GALNTL6: variants seen among roughly 807,000 people sequenced by gnomAD.
The protein encoded by GALNTL6 is polypeptide N-acetylgalactosaminyltransferase like 6, also known as polypeptide N-acetylgalactosaminyltransferase-like 6.
In GALNTL6, 46 loss-of-function variants were observed where a neutral mutation model predicts 73.7. The observed-to-expected ratio is 0.62, with a 90% CI of 0.49 to 0.80. GALNTL6 has a LOEUF of 0.80. GALNTL6 is among the 30% of genes least tolerant of loss of function. The pLI, the probability that GALNTL6 is intolerant of heterozygous loss-of-function variation, is 0.00. For synonymous variants in GALNTL6, 259 were observed against 263.7 expected (o/e 0.98, Z 0.17); for missense variants, 604 against 755.0 (o/e 0.80, Z 2.34).
At chr4:172,749,475 A>G (rs900249147) in intron 5 of GALNTL6, among the ~76,000 whole-genome samples, 1 of 152,126 alleles carries the variant, frequency 6.6e-6, no homozygotes, top group Non-Finnish European at 1.5e-5. Context: ...TTTATAAATT[A>G]CTAAGTTTTT....
At chr4:172,953,705 C>A (rs1235789080) in intron 10 of GALNTL6, among the ~76,000 whole-genome samples, 2 of 152,214 alleles carry the variant, frequency 1.3e-5, no homozygotes, top group African/African-American at 4.8e-5. Flanking sequence ...AGGAAAGAGT[C>A]AATCCTGCCA....
At chr4:172,942,943 T>C (rs1467317717) in intron 9 of GALNTL6, among the ~76,000 whole-genome samples, 1 of 152,190 alleles carries the variant, frequency 6.6e-6, no homozygotes, top group Non-Finnish European at 1.5e-5. Context: ...TTCCAGCTTC[T>C]GATTATCTCC....
chr4:172,629,427 G>A (rs940711795), intron 5 of GALNTL6, among the ~76,000 whole-genome samples: 3 of 152,044 alleles, frequency 2.0e-5, no homozygotes, highest in Non-Finnish European at 4.4e-5. Flanking sequence ...ATTTTGGTAT[G>A]AGATTATGAA....
At chr4:171,820,367 T>C (rs543769522) in intron 2 of GALNTL6, among the ~76,000 whole-genome samples, 58 of 152,220 alleles carry the variant, frequency 3.8e-4, no homozygotes, top group African/African-American at 1.4e-3. Flanking sequence ...TCCAGTGTGG[T>C]AGGGCAAAAA....
At chr4:172,267,914 C>T (rs955846463) in intron 3 of GALNTL6, among the ~76,000 whole-genome samples, 1 of 152,070 alleles carries the variant, frequency 6.6e-6, no homozygotes, top group African/African-American at 2.4e-5. Context: ...ATAAAGAATA[C>T]AGTAGAGCAA....
chr4:172,401,060 A>G (rs1399411836), intron 5 of GALNTL6, among the ~76,000 whole-genome samples: 1 of 152,174 alleles, frequency 6.6e-6, no homozygotes, highest in Non-Finnish European at 1.5e-5. Flanking sequence ...TTAGTGACAT[A>G]TTGAAAGGTG....
At chr4:172,575,106 T>G (rs1358198102) in intron 5 of GALNTL6, among the ~76,000 whole-genome samples, 1 of 152,182 alleles carries the variant, frequency 6.6e-6, no homozygotes, top group Admixed American at 6.5e-5. Flanking sequence ...GAAAAAGTTA[T>G]CAGGGGATTC....
At chr4:172,875,791 A>G (rs1745166340) in intron 7 of GALNTL6, among the ~76,000 whole-genome samples, 1 of 151,314 alleles carries the variant, frequency 6.6e-6, no homozygotes, top group African/African-American at 2.4e-5. Context: ...AACATTTTTG[A>G]CCACAGAAAA....
At chr4:172,493,402 T>G (rs191362879) in intron 5 of GALNTL6, among the ~76,000 whole-genome samples, 1 of 152,196 alleles carries the variant, frequency 6.6e-6, no homozygotes, top group East Asian at 1.9e-4. Context: ...ATATTCACTT[T>G]TATGTCAGAA....
At chr4:171,933,768 G>A (rs74759405) in intron 2 of GALNTL6, among the ~76,000 whole-genome samples, 2,398 of 151,980 alleles carry the variant, frequency 0.016, 66 homozygotes, top group African/African-American at 0.055. Context: ...GCAGTCACAC[G>A]AATTATAAAC....
chr4:172,154,475 G>A (rs1189566963), intron 2 of GALNTL6, among the ~76,000 whole-genome samples: 3 of 152,060 alleles, frequency 2.0e-5, no homozygotes, highest in African/African-American at 4.8e-5. Context: ...CAGGTGATCC[G>A]TCTGCCTCAG....
At chr4:171,902,181 G>A (rs998075730) in intron 2 of GALNTL6, among the ~76,000 whole-genome samples, 2 of 152,188 alleles carry the variant, frequency 1.3e-5, no homozygotes, top group East Asian at 3.8e-4. Context: ...TCTAATTGAA[G>A]CCTTAGGAGG....
chr4:172,858,015 C>A (rs1744203950), intron 7 of GALNTL6, among the ~76,000 whole-genome samples: 1 of 152,148 alleles, frequency 6.6e-6, no homozygotes, highest in African/African-American at 2.4e-5. Flanking sequence ...TAAGCTGGGA[C>A]AAGAGTCTGT....
chr4:172,188,492 G>A (rs968268064), intron 2 of GALNTL6, among the ~76,000 whole-genome samples: 12 of 152,156 alleles, frequency 7.9e-5, no homozygotes, highest in African/African-American at 1.9e-4. Flanking sequence ...GTGACACGGT[G>A]TCTGCTCTCT....
chr4:172,114,674 A>G (rs1397210315), intron 2 of GALNTL6, among the ~76,000 whole-genome samples: 1 of 152,128 alleles, frequency 6.6e-6, no homozygotes, highest in Non-Finnish European at 1.5e-5. Context: ...ATTAATGGTA[A>G]TTGTTTTTAA....
intron 5 of GALNTL6, among the ~76,000 whole-genome samples, chr4:172,765,856 CAT>C (rs1491265763): frequency 0.019 from 2,182 of 114,412 alleles, 49 homozygotes; most frequent in African/African-American, 0.076. Flanking sequence ...CAAAAAATCA[CAT>C]GTTTGCTGAA....
intron 2 of GALNTL6, among the ~76,000 whole-genome samples, chr4:171,850,489 TATTGCTTATCTCGAAGCC>T (rs1735495167): frequency 6.6e-6 from 1 of 152,184 alleles, no homozygotes; most frequent in Non-Finnish European, 1.5e-5. Context: ...ATTGTTTTAA[TATTGCTTATCTCGAAGCC>T]AGTGCTTGTT....
chr4:172,651,197 T>C (rs1740460868), intron 5 of GALNTL6, among the ~76,000 whole-genome samples: 1 of 152,162 alleles, frequency 6.6e-6, no homozygotes, highest in South Asian at 2.1e-4. Context: ...ACAAAAACAG[T>C]AGGACCTGAA....
chr4:172,997,701 T>C (rs1751858843), intron 10 of GALNTL6, among the ~76,000 whole-genome samples: 2 of 152,040 alleles, frequency 1.3e-5, no homozygotes, highest in African/African-American at 2.4e-5. Flanking sequence ...TGCAGTAAGA[T>C]AGAGGGAGTA....
Sources: allele counts gnomAD v4.1 joint callset (sites outside exome capture counted in the v4.1 genomes callset), GRCh38; gene constraint gnomAD v4.1.1; transcripts MANE v1.5; gene names NCBI Gene and HGNC (gene_info 2026-07-23, HGNC 2026-07-21).